Variants in NF1 observed in about 807,000 individuals in gnomAD.
NF1 encodes neurofibromin.
Under a neutral mutation model 325.7 loss-of-function variants are expected in NF1, and 122 were observed. That is an observed-to-expected ratio of 0.37 (90% CI 0.32 to 0.44). The LOEUF (loss-of-function observed/expected upper bound fraction) is 0.44, where lower values mean the gene tolerates loss of function less well. NF1 is among the 20% of genes least tolerant of loss of function. NF1 has a pLI of 1.00. For synonymous variants in NF1, 1,091 were observed against 1,186.0 expected, an observed-to-expected ratio of 0.92 and a Z score of 1.65; for missense variants, 2,140 against 3,415.4, an observed-to-expected ratio of 0.63 and a Z score of 9.31.
intron 36 of NF1, among the ~76,000 whole-genome samples, chr17:31,284,918 C>T (rs1160852654): frequency 6.6e-6 from 1 of 151,906 alleles, no homozygotes; most frequent in Non-Finnish European, 1.5e-5. Context: ...GTCAGGAGTT[C>T]GTGACCAGCC....
At chr17:31,243,493 C>T (rs758270943) in intron 29 of NF1, among the ~76,000 whole-genome samples, 1 of 151,970 alleles carries the variant, frequency 6.6e-6, no homozygotes, top group African/African-American at 2.4e-5. Context: ...TATTCTGCTG[C>T]GGCTAAGCAT....
intron 10 of NF1, 92 bp downstream of exon 10, chr17:31,201,251 T>C: frequency 6.5e-7 from 1 of 1,545,714 alleles, no homozygotes; most frequent in Non-Finnish European, 8.9e-7. Flanking sequence ...TTCACTTTTA[T>C]CGGTATTTCT....
intron 29 of NF1, among the ~76,000 whole-genome samples, chr17:31,236,733 G>A (rs928817498): frequency 4.6e-5 from 7 of 151,852 alleles, no homozygotes; most frequent in African/African-American, 1.7e-4. Flanking sequence ...TTACAGGTGT[G>A]AGCCACCATG....
chr17:31,291,555 A>ATGT (rs2068343782), intron 36 of NF1, among the ~76,000 whole-genome samples: 2 of 152,174 alleles, frequency 1.3e-5, no homozygotes, highest in South Asian at 4.1e-4. Flanking sequence ...CACCAGCAAG[A>ATGT]TGTTGGGTGG....
At chr17:31,367,394 CT>C in intron 57 of NF1, 1 of 519,006 alleles carries the variant, frequency 1.9e-6, no homozygotes, top group Non-Finnish European at 3.2e-6. Flanking sequence ...GCCTTAGGCA[CT>C]TTAGGAACTT....
Position 31,181,800 on chromosome 17 carries a change from G to GTT in NF1, c.730+15_730+16insTT. On this transcript the variant is annotated intron_variant, in intron 7 of 57. Transcript: ENST00000358273. Reference sequence around the variant, plus strand: ...TGATATGGCTGGTAAGGATACGATTGATTTTTTTTTTTTTTTTGTCTTTTA... The same window carrying GTT: ...TGATATGGCTGGTAAGGATACGATTGTTATTTTTTTTTTTTTTTTGTCTTTTA... 6.8e-7 allele frequency: 1 copy of GTT among 1,464,714 alleles called. No individual in the cohort carries two copies. The highest frequency in any genetic ancestry group is 9.3e-7 in the Non-Finnish European group (1 of 1,073,134). The allele number at this position is 1,464,714 out of a possible 1,614,324, so 90.7% of individuals were successfully genotyped here. A position where few individuals can be genotyped will look rare whatever the true frequency, so the allele number is the denominator to read the frequency against.
rs565655294 is a variant in NF1 at position 31,293,009 on chromosome 17, C to G, written c.4835+27670C>G. Among the ~76,000 whole-genome samples, 9 of 151,804 alleles carry G rather than the reference C, an allele frequency of 5.9e-5. 1 individual carries two copies. In the South Asian group the frequency reaches 1.5e-3, roughly 25 times the overall value. The stretch of plus-strand genomic sequence containing the variant: ...CCTGGCCAACATGATGAAGCCCCGT[C>G]TCTACTGAAAATACAAAAATTAGTC... On this transcript the variant is annotated intron_variant, in intron 36 of 57. Transcript: ENST00000358273.
At chr17:31,200,297 C>G in intron 8 of NF1, 125 bp from the exon 9 acceptor site, 1 of 807,294 alleles carries the variant, frequency 1.2e-6, no homozygotes, top group Non-Finnish European at 1.9e-6. Flanking sequence ...TTGAAAACCA[C>G]AAATATAAAT....
Position 31,232,808 on chromosome 17 carries a change from G to C in NF1, c.3423G>C (p.Leu1141=), listed in dbSNP as rs748691653. ...KRGMSRRLAS[L]RHCTVLAMSN... Reference sequence around the variant, plus strand: ...GCATGTCTCGGAGGCTGGCATCACTGAGGCACTGTACGGTCCTTGCAATGT... The same window carrying C: ...GCATGTCTCGGAGGCTGGCATCACTCAGGCACTGTACGGTCCTTGCAATGT... Residue 1141 remains leucine (L), a synonymous_variant, in exon 26 of 58, where the codon CTG becomes CTC. Coordinates refer to ENST00000358273, the MANE Select transcript of NF1 (RefSeq NM_001042492.3). The C allele has an allele frequency of 6.2e-7, 1 of 1,614,132 alleles. No individual in the cohort carries two copies. Among genetic ancestry groups the C allele is most frequent in the East Asian group, 2.2e-5 (1 of 44,878 alleles).
At chr17:31,110,252 TA>T (rs113049127) in intron 1 of NF1, among the ~76,000 whole-genome samples, 21 of 151,968 alleles carry the variant, frequency 1.4e-4, no homozygotes, top group African/African-American at 4.8e-4. Flanking sequence ...AAATCAATAC[TA>T]AAAAAAATAT....
At position 31,095,357 on chromosome 17, in the gene NF1, C is replaced by T. The variant is rs1315327163; in HGVS notation, c.48C>T (p.Arg16=). 3 of 1,539,844 alleles carry T rather than the reference C, an allele frequency of 1.9e-6. No homozygotes were observed. The African/African-American group carries it at 4.1e-5, about 21-fold the overall frequency. Residue 16 remains arginine (R), a synonymous_variant, in exon 1 of 58, where the codon CGC becomes CGT. Transcript: ENST00000358273. ...AATGGGTCCAGGCCGTGGTCAGCCGCTTCGACGAGCAGGTAACCGGCCCGT... is the reference window on the plus strand; with the variant it reads ...AATGGGTCCAGGCCGTGGTCAGCCGTTTCGACGAGCAGGTAACCGGCCCGT... ...PVEWVQAVVS[R]FDEQLPIKTG...
At chr17:31,222,260 A>G in intron 15 of NF1, 2 of 1,058,260 alleles carry the variant, frequency 1.9e-6, no homozygotes, top group Non-Finnish European at 2.3e-6. Context: ...GCCTAGAATG[A>G]TAAAATTTTG....
At chr17:31,099,514 A>G (rs1317077146) in intron 1 of NF1, among the ~76,000 whole-genome samples, 1 of 152,076 alleles carries the variant, frequency 6.6e-6, no homozygotes, top group Admixed American at 6.6e-5. Context: ...CGTGGTGCCA[A>G]ATAGCAAGTT....
chr17:31,110,349 A>G (rs1254664929), intron 1 of NF1, among the ~76,000 whole-genome samples: 1 of 152,222 alleles, frequency 6.6e-6, no homozygotes, highest in Non-Finnish European at 1.5e-5. Context: ...AGGATTGCTG[A>G]CATTTGCTGA....
At chr17:31,188,635 G>A (rs911511501) in intron 8 of NF1, among the ~76,000 whole-genome samples, 2 of 152,196 alleles carry the variant, frequency 1.3e-5, no homozygotes, top group African/African-American at 4.8e-5. Context: ...TATTGATCCT[G>A]GGTGTGCCTG....
rs2151544387 is a variant in NF1 at position 31,330,296 on chromosome 17, G to C, written c.5610G>C (p.Arg1870=). 1 of 1,613,764 alleles carries C rather than the reference G, an allele frequency of 6.2e-7. No homozygotes were observed. The highest frequency in any genetic ancestry group is 8.5e-7 in the Non-Finnish European group (1 of 1,179,826). Residue 1870 remains arginine (R), a splice_region_variant and synonymous_variant, in exon 39 of 58, where the codon CGG becomes CGC. Coordinates refer to ENST00000358273, the MANE Select transcript of NF1 (RefSeq NM_001042492.3). ...LNLGSSDPSL[R]SAAYNLLCAL... Reference sequence around the variant, plus strand: ...CAACTTCATTTGTGTTTTCTCCTAGGTCAGCTGCCTATAATCTTCTGTGTG... The same window carrying C: ...CAACTTCATTTGTGTTTTCTCCTAGCTCAGCTGCCTATAATCTTCTGTGTG...
intron 36 of NF1, among the ~76,000 whole-genome samples, chr17:31,284,724 A>G (rs1030413605): frequency 2.0e-5 from 3 of 152,130 alleles, no homozygotes; most frequent in Non-Finnish European, 4.4e-5. Context: ...GTGCCCGGCC[A>G]AAAGTTTTTT....
At chr17:31,284,878 T>G (rs575858583) in intron 36 of NF1, among the ~76,000 whole-genome samples, 3 of 152,054 alleles carry the variant, frequency 2.0e-5, no homozygotes, top group African/African-American at 7.2e-5. Context: ...CCCATCACAT[T>G]AGGAGGCCGA....
chr17:31,355,505 T>C (rs1284370519), intron 51 of NF1, among the ~76,000 whole-genome samples: 1 of 152,162 alleles, frequency 6.6e-6, no homozygotes, highest in African/African-American at 2.4e-5. Context: ...ATTTCTCAAG[T>C]GTTAAATTGT....
Sources: allele counts gnomAD v4.1 joint callset (sites outside exome capture counted in the v4.1 genomes callset), GRCh38; gene constraint gnomAD v4.1.1; transcripts MANE v1.5; gene names NCBI Gene and HGNC (gene_info 2026-07-23, HGNC 2026-07-21).